Variants in PPM1L observed in about 807,000 individuals in gnomAD.
PPM1L encodes protein phosphatase 1L.
Under a neutral mutation model 31.4 loss-of-function variants are expected in PPM1L, and 13 were observed. That is an observed-to-expected ratio of 0.41 (90% CI 0.27 to 0.66). The LOEUF is 0.66. Ranked by LOEUF, PPM1L falls within the 30% of genes least tolerant of loss-of-function variation. PPM1L has a pLI of 0.29. For synonymous variants in PPM1L, 184 were observed against 175.4 expected, an observed-to-expected ratio of 1.05 and a Z score of -0.39; for missense variants, 326 against 453.7, an observed-to-expected ratio of 0.72 and a Z score of 2.56.
intron 1 of PPM1L, among the ~76,000 whole-genome samples, chr3:160,937,913 A>G (rs1261866311): frequency 6.6e-6 from 1 of 152,238 alleles, no homozygotes; most frequent in African/African-American, 2.4e-5. Flanking sequence ...TATGATCTAC[A>G]TAAAATTAAG....
chr3:160,884,096 A>C (rs528193504), intron 1 of PPM1L, among the ~76,000 whole-genome samples: 1 of 151,802 alleles, frequency 6.6e-6, no homozygotes, highest in East Asian at 1.9e-4. Flanking sequence ...TTCTTCATCT[A>C]AATAGGGGGA....
At chr3:160,943,100 T>C (rs1455319801) in intron 1 of PPM1L, among the ~76,000 whole-genome samples, 1 of 152,124 alleles carries the variant, frequency 6.6e-6, no homozygotes, top group Non-Finnish European at 1.5e-5. Context: ...GCTAGATAAT[T>C]GTGCATAAAG....
At chr3:160,985,981 C>A (rs1193097245) in intron 2 of PPM1L, among the ~76,000 whole-genome samples, 12 of 148,938 alleles carry the variant, frequency 8.1e-5, no homozygotes, top group Admixed American at 6.7e-5. Flanking sequence ...TCCACCCACC[C>A]AAAAAAAAAA....
intron 1 of PPM1L, among the ~76,000 whole-genome samples, chr3:160,795,187 G>A (rs1009814856): frequency 6.6e-6 from 1 of 152,046 alleles, no homozygotes; most frequent in Non-Finnish European, 1.5e-5. Flanking sequence ...TCAAAATTCC[G>A]ATCCACCAAT....
At chr3:160,941,474 G>T (rs910852032) in intron 1 of PPM1L, among the ~76,000 whole-genome samples, 5 of 152,130 alleles carry the variant, frequency 3.3e-5, no homozygotes, top group African/African-American at 4.8e-5. Flanking sequence ...AATCATGGGG[G>T]CCAGTGTTTC....
intron 1 of PPM1L, among the ~76,000 whole-genome samples, chr3:160,900,389 T>A (rs1258330035): frequency 2.6e-5 from 4 of 152,138 alleles, no homozygotes; most frequent in African/African-American, 4.8e-5. Flanking sequence ...ATTGATTTTT[T>A]AAAAATGCTT....
rs1295714669 is a variant in PPM1L, at chr3:160,756,531, C to A, written c.223C>A (p.Leu75Ile). 2 of 1,614,004 alleles carry A rather than the reference C, an allele frequency of 1.2e-6. No individual in the cohort carries two copies. The highest frequency in any genetic ancestry group is 1.7e-6 in the Non-Finnish European group (2 of 1,180,024). Residue 75 changes from leucine to isoleucine, a missense_variant, in exon 1 of 4, where the codon CTT becomes ATT. Transcript: ENST00000498165. This position sits in a 1 kb window ranked among gnomAD's most constrained non-coding sequence, Gnocchi z 6.2. ...EIMQNDRLGGLDVLEAEFSKT... is the reference protein window; with the variant it reads ...EIMQNDRLGGIDVLEAEFSKT... ...CATGCAGAACGATCGACTCGGGGGG[C>A]TTGATGTGCTCGAGGCCGAGTTTTC...
At chr3:160,834,625 C>G (rs532174923) in intron 1 of PPM1L, among the ~76,000 whole-genome samples, 374 of 151,978 alleles carry the variant, frequency 2.5e-3, no homozygotes, top group African/African-American at 8.8e-3. Context: ...ATAGTTTTGT[C>G]ATTTTGAGGG....
Position 160,830,453 on chromosome 3 carries a change from A to T in PPM1L, c.399+73746A>T, listed in dbSNP as rs1713492292. Among the ~76,000 whole-genome samples, 2 of 152,184 alleles carry T rather than the reference A, an allele frequency of 1.3e-5. 1 individual carries two copies. The highest frequency in any genetic ancestry group is 4.1e-4 in the South Asian group (2 of 4,828). On this transcript the variant is annotated intron_variant, in intron 1 of 3. Transcript: ENST00000498165. Reference sequence around the variant, plus strand: ...GAGGTAGGTTAAAGCCGTGAAGGGAAGCCATTTGTAAACCGGAGTATTTTA... The same window carrying T: ...GAGGTAGGTTAAAGCCGTGAAGGGATGCCATTTGTAAACCGGAGTATTTTA...
intron 1 of PPM1L, among the ~76,000 whole-genome samples, chr3:160,824,389 G>A (rs1192646932): frequency 6.6e-6 from 1 of 152,148 alleles, no homozygotes; most frequent in Non-Finnish European, 1.5e-5. Flanking sequence ...ATAGCAGCCT[G>A]AACTAAGTGT....
chr3:160,921,011 C>T (rs1178026092), intron 1 of PPM1L, among the ~76,000 whole-genome samples: 1 of 152,160 alleles, frequency 6.6e-6, no homozygotes. Context: ...TTTTCTCTTA[C>T]TTTCCATCTT....
intron 1 of PPM1L, among the ~76,000 whole-genome samples, chr3:160,895,996 G>T (rs944210930): frequency 2.6e-5 from 4 of 152,008 alleles, no homozygotes; most frequent in African/African-American, 9.7e-5. Context: ...CATTAGCTTG[G>T]ATCTCATGTT....
intron 2 of PPM1L, among the ~76,000 whole-genome samples, chr3:160,995,546 C>A (rs368338027): frequency 2.6e-5 from 4 of 152,144 alleles, no homozygotes; most frequent in Admixed American, 2.6e-4. Context: ...GTCTCGAACT[C>A]CTGTCCCCAG....
At chr3:160,834,728 G>T (rs1713644472) in intron 1 of PPM1L, among the ~76,000 whole-genome samples, 1 of 152,032 alleles carries the variant, frequency 6.6e-6, no homozygotes, top group African/African-American at 2.4e-5. Context: ...GAATGTCCTT[G>T]AGATCCATGT....
chr3:161,018,677 T>C (rs1718153557), intron 2 of PPM1L, among the ~76,000 whole-genome samples: 1 of 152,210 alleles, frequency 6.6e-6, no homozygotes, highest in African/African-American at 2.4e-5. Flanking sequence ...GAAGCTGATA[T>C]AAAATTTAAA....
At chr3:160,809,177 T>C (rs751575128) in intron 1 of PPM1L, among the ~76,000 whole-genome samples, 27 of 152,330 alleles carry the variant, frequency 1.8e-4, no homozygotes, top group Admixed American at 3.3e-4. Context: ...TATTTTTTTT[T>C]CTTGAATTGC....
intron 1 of PPM1L, among the ~76,000 whole-genome samples, chr3:160,818,472 A>G (rs550729224): frequency 1.3e-5 from 2 of 152,160 alleles, no homozygotes; most frequent in Admixed American, 1.3e-4. Context: ...CATTTCTTTC[A>G]GTTCTTTACC....
intron 1 of PPM1L, among the ~76,000 whole-genome samples, chr3:160,814,164 C>T (rs937816424): frequency 2.6e-5 from 4 of 152,134 alleles, no homozygotes; most frequent in Non-Finnish European, 5.9e-5. Flanking sequence ...CTTTTCCCAC[C>T]TAACATCTCA....
intron 2 of PPM1L, among the ~76,000 whole-genome samples, chr3:160,975,638 G>A (rs1716541206): frequency 6.6e-6 from 1 of 152,098 alleles, no homozygotes; most frequent in South Asian, 2.1e-4. Context: ...TGAAGCAATT[G>A]TGAATGAGAG....
Sources: gnomAD v4.1 joint callset for allele counts (sites outside exome capture counted in the v4.1 genomes callset) on GRCh38, gnomAD v4.1.1 for gene constraint, Gnocchi (gnomAD v3.1) non-coding constraint, MANE v1.5 for transcripts, NCBI Gene and HGNC (gene_info 2026-07-23, HGNC 2026-07-21) for gene names.